The following BTC variants were observed in gnomAD, a reference collection of about 807,000 sequenced individuals.
BTC encodes probetacellulin.
In BTC, 13 loss-of-function variants were observed where a neutral mutation model predicts 18.1. The observed-to-expected ratio is 0.72, with a 90% CI of 0.47 to 1.14. The LOEUF (loss-of-function observed/expected upper bound fraction) is 1.14, where lower values mean the gene tolerates loss of function less well. Among genes scored for constraint, BTC ranks in the 50% most tolerant of loss-of-function variants. The probability of loss-of-function intolerance (pLI) is 0.00; values close to 1 mark genes in which losing one functional copy is unlikely to be tolerated. For missense variants in BTC, 247 were observed against 224.2 expected, an observed-to-expected ratio of 1.10 and a Z score of -0.65; for synonymous variants, 83 against 79.4, an observed-to-expected ratio of 1.05 and a Z score of -0.24.
At chr4:74,773,338 A>G (rs79916466) in intron 1 of BTC, among the ~76,000 whole-genome samples, 14,155 of 152,188 alleles carry the variant, frequency 0.093, 757 homozygotes, top group Non-Finnish European at 0.11. Context: ...GGCTTCCTGC[A>G]CTTATTTATT....
intron 1 of BTC, among the ~76,000 whole-genome samples, chr4:74,791,776 A>G (rs1725635527): frequency 6.6e-6 from 1 of 152,160 alleles, no homozygotes; most frequent in Non-Finnish European, 1.5e-5. Context: ...ATCACATGTT[A>G]TTTTGTTTAC....
In BTC at chr4:74,794,432, A is replaced by G; in HGVS notation, c.-107T>C. On this transcript the variant is annotated 5_prime_UTR_variant, in exon 1 of 6. Coordinates refer to ENST00000395743, the MANE Select transcript of BTC (RefSeq NM_001729.4). ...GAGGGTGCCTGGAAACTAATCCCGG[A>G]GGCAGAAGGAAACGAAACTACTTCC... 8.0e-7 allele frequency: 1 copy of G among 1,247,258 alleles called. No individual in the cohort carries two copies. The highest frequency in any genetic ancestry group is 1.1e-6 in the Non-Finnish European group (1 of 933,030). 77.3% of individuals were successfully genotyped at this position (1,247,258 alleles called of 1,614,324 possible). A position where few individuals can be genotyped will look rare whatever the true frequency, so the allele number is the denominator to read the frequency against.
intron 1 of BTC, among the ~76,000 whole-genome samples, chr4:74,773,438 A>C (rs893615015): frequency 1.3e-5 from 2 of 152,100 alleles, no homozygotes; most frequent in African/African-American, 2.4e-5. Flanking sequence ...ACTATCTACT[A>C]AACAATAAAG....
intron 3 of BTC, among the ~76,000 whole-genome samples, chr4:74,751,340 C>T (rs1246103917): frequency 5.9e-5 from 9 of 152,074 alleles, no homozygotes; most frequent in African/African-American, 1.7e-4. Flanking sequence ...TTAGGTCATG[C>T]CCTTCTATTA....
chr4:74,760,758 G>A (rs1380870555), intron 2 of BTC, among the ~76,000 whole-genome samples: 5 of 146,804 alleles, frequency 3.4e-5, no homozygotes, highest in Admixed American at 6.8e-5. Context: ...TTTTTGAGGC[G>A]GAGTCTCACT....
intron 1 of BTC, among the ~76,000 whole-genome samples, chr4:74,783,068 C>T (rs1725378855): frequency 1.3e-5 from 2 of 152,048 alleles, no homozygotes; most frequent in Non-Finnish European, 2.9e-5. Context: ...AGTCTGATAA[C>T]AGTTTCTATT....
chr4:74,752,369 G>A (rs1292900687), intron 3 of BTC, among the ~76,000 whole-genome samples: 2 of 150,362 alleles, frequency 1.3e-5, no homozygotes, highest in East Asian at 4.0e-4. Context: ...AACTAGGGAT[G>A]GGGGAATCAC....
At chr4:74,755,146 A>G (rs927674325) in intron 3 of BTC, among the ~76,000 whole-genome samples, 3 of 152,212 alleles carry the variant, frequency 2.0e-5, no homozygotes, top group Admixed American at 6.5e-5. Flanking sequence ...ATGGAAAGAA[A>G]ACTTATATAC....
chr4:74,765,332 A>G (rs1027558571), intron 2 of BTC, among the ~76,000 whole-genome samples: 1 of 152,140 alleles, frequency 6.6e-6, no homozygotes, highest in African/African-American at 2.4e-5. Flanking sequence ...TAATTCAGTA[A>G]CTAAGCTGGA....
intron 2 of BTC, among the ~76,000 whole-genome samples, chr4:74,762,361 C>G (rs1253119335): frequency 6.6e-6 from 1 of 152,148 alleles, no homozygotes; most frequent in Non-Finnish European, 1.5e-5. Context: ...CTTTACCTCT[C>G]TGTGCTTCAG....
intron 3 of BTC, among the ~76,000 whole-genome samples, chr4:74,753,827 GAA>G (rs5859440): frequency 4.0e-4 from 52 of 128,832 alleles, no homozygotes; most frequent in African/African-American, 1.2e-3. Context: ...TCCAAAAAAA[GAA>G]AAAAAAAATA....
At position 74,746,213 on chromosome 4, in the gene BTC, G is replaced by A. The variant is rs1262869693; in HGVS notation, c.*464C>T. ...TTAGATTATTTGACTTGACTTCTTT[G>A]GCCCTGTTTCCATATGTAGGAAATG... On this transcript the variant is annotated 3_prime_UTR_variant, in exon 6 of 6. Transcript: ENST00000395743. 3 of 152,044 alleles carry A rather than the reference G, an allele frequency of 2.0e-5. No individual in the cohort carries two copies. Among genetic ancestry groups the A allele is most frequent in the Non-Finnish European group, 2.9e-5 (2 of 68,008 alleles). The allele number at this position is 152,044 out of a possible 1,614,324, so 9.4% of individuals were successfully genotyped here.
chr4:74,757,273 A>G (rs1013512360), intron 2 of BTC, among the ~76,000 whole-genome samples: 2 of 152,356 alleles, frequency 1.3e-5, no homozygotes, highest in East Asian at 3.9e-4. Flanking sequence ...GAGGAATCTC[A>G]AAGGACTTAG....
At chr4:74,750,800 GTTC>G in intron 3 of BTC, 81 bp from the exon 4 acceptor site, 1 of 1,499,516 alleles carries the variant, frequency 6.7e-7, no homozygotes, top group Non-Finnish European at 9.0e-7. Context: ...GAAATTAACA[GTTC>G]TCATTACTTG....
chr4:74,784,419 CTTTA>C (rs1269245699), intron 1 of BTC, among the ~76,000 whole-genome samples: 1 of 152,016 alleles, frequency 6.6e-6, no homozygotes, highest in Admixed American at 6.5e-5. Context: ...CTTACATACT[CTTTA>C]TTTCTTTCTC....
chr4:74,781,143 C>A (rs4859662), intron 1 of BTC, among the ~76,000 whole-genome samples: 8,371 of 152,112 alleles, frequency 0.055, 355 homozygotes, highest in Admixed American at 0.12. Flanking sequence ...TGTGTACAGG[C>A]AGGGGAAGCT....
intron 1 of BTC, among the ~76,000 whole-genome samples, chr4:74,772,470 G>T (rs540929746): frequency 5.4e-4 from 82 of 152,156 alleles, no homozygotes; most frequent in African/African-American, 1.9e-3. Context: ...TTCAACAAAT[G>T]TTAAAAGACT....
intron 1 of BTC, among the ~76,000 whole-genome samples, chr4:74,793,057 G>A (rs1487630774): frequency 1.3e-5 from 2 of 152,216 alleles, no homozygotes; most frequent in Non-Finnish European, 1.5e-5. Context: ...GGTGGAGGAA[G>A]AGAATGTCAG....
intron 1 of BTC, among the ~76,000 whole-genome samples, chr4:74,781,282 G>A (rs2109912983): frequency 6.6e-6 from 1 of 152,150 alleles, no homozygotes; most frequent in Admixed American, 6.6e-5. Flanking sequence ...CTATACAGGG[G>A]AAACCTTGGT....
Sources: gnomAD v4.1 joint callset for allele counts (sites outside exome capture counted in the v4.1 genomes callset) on GRCh38, gnomAD v4.1.1 for gene constraint, MANE v1.5 for transcripts, NCBI Gene and HGNC (gene_info 2026-07-23, HGNC 2026-07-21) for gene names.